SAMD12: variants seen among roughly 807,000 people sequenced by gnomAD.
The protein encoded by SAMD12 is sterile alpha motif domain-containing protein 12.
SAMD12 carries 9 observed loss-of-function variants against 15.0 expected under a neutral mutation model. That is an observed-to-expected ratio of 0.60 (90% CI 0.36 to 1.05). The LOEUF is 1.05. Ranked by LOEUF, SAMD12 falls within the 50% of genes least tolerant of loss-of-function variation. SAMD12 has a pLI of 0.01. For missense variants in SAMD12, 230 were observed against 234.2 expected, an observed-to-expected ratio of 0.98 and a Z score of 0.12; for synonymous variants, 86 against 90.1, an observed-to-expected ratio of 0.96 and a Z score of 0.25.
chr8:118,550,295 A>C (rs1288903449), intron 2 of SAMD12, among the ~76,000 whole-genome samples: 2 of 152,252 alleles, frequency 1.3e-5, no homozygotes, highest in African/African-American at 4.8e-5. Context: ...CGGGTTACCC[A>C]CAAAGGGAAG....
At chr8:118,264,722 C>G (rs1462446025) in intron 4 of SAMD12, among the ~76,000 whole-genome samples, 1 of 152,130 alleles carries the variant, frequency 6.6e-6, no homozygotes, top group African/African-American at 2.4e-5. Flanking sequence ...CACTCAGTGG[C>G]TCCTACCTGG....
At chr8:118,243,461 A>AT (rs78403611) in intron 4 of SAMD12, among the ~76,000 whole-genome samples, 26,526 of 151,654 alleles carry the variant, frequency 0.17, 2,980 homozygotes, top group African/African-American at 0.3. Context: ...GTACCACTCC[A>AT]TTTTTTTTAA....
intron 2 of SAMD12, among the ~76,000 whole-genome samples, chr8:118,493,715 A>G (rs1198458823): frequency 2.6e-5 from 4 of 152,156 alleles, no homozygotes; most frequent in Non-Finnish European, 4.4e-5. Context: ...CCACAAGTTG[A>G]AGGTCACATA....
Position 118,379,264 on chromosome 8 carries a change from T to G in SAMD12, c.*153A>C. 7.0e-7 allele frequency: 1 copy of G among 1,434,318 alleles called. No individual in the cohort carries two copies. Among genetic ancestry groups the G allele is most frequent in the Non-Finnish European group, 9.1e-7 (1 of 1,096,720 alleles). The allele number at this position is 1,434,318 out of a possible 1,614,324, so 88.8% of individuals were successfully genotyped here. Reference sequence around the variant, plus strand: ...GCAATCGTACCCTGATTGATGTGACTGGTATTCTCTGGGGTTGTGCAGTAC... The same window carrying G: ...GCAATCGTACCCTGATTGATGTGACGGGTATTCTCTGGGGTTGTGCAGTAC... On this transcript the variant is annotated 3_prime_UTR_variant, in exon 4 of 4. Transcript: ENST00000314727.
chr8:118,165,612 A>ACG, the SAMD12 span, among the ~76,000 whole-genome samples: 1 of 63,072 alleles, frequency 1.6e-5, no homozygotes, highest in Non-Finnish European at 3.0e-5. Context: ...ACATATATAT[A>ACG]TGTATATATA....
At chr8:118,536,483 C>T (rs13262193) in intron 2 of SAMD12, among the ~76,000 whole-genome samples, 52,283 of 150,344 alleles carry the variant, frequency 0.35, 9,766 homozygotes, top group Admixed American at 0.44. Flanking sequence ...CACACACACA[C>T]ATAAATGGAT....
intron 4 of SAMD12, among the ~76,000 whole-genome samples, chr8:118,256,578 AG>A (rs1214649220): frequency 6.6e-6 from 1 of 152,054 alleles, no homozygotes; most frequent in African/African-American, 2.4e-5. Flanking sequence ...GTCAAGTTTC[AG>A]TTCAAAGTGC....
intron 4 of SAMD12, among the ~76,000 whole-genome samples, chr8:118,215,433 T>C (rs1295237263): frequency 6.6e-6 from 1 of 151,386 alleles, no homozygotes; most frequent in African/African-American, 2.4e-5. Flanking sequence ...AATTTTATTA[T>C]ACATTGCAAG....
chr8:118,148,618 C>T, the SAMD12 span, among the ~76,000 whole-genome samples: 8 of 152,134 alleles, frequency 5.3e-5, no homozygotes, highest in Non-Finnish European at 2.9e-5. Context: ...ACCATTACCA[C>T]AATCCAGTTC....
intron 4 of SAMD12, chr8:118,282,272 G>C (rs1387591928): frequency 2.2e-6 from 1 of 456,154 alleles, no homozygotes; most frequent in East Asian, 7.0e-5. Flanking sequence ...CTTTTAACTT[G>C]GGTCATTTAA....
chr8:118,203,266 C>A (rs746540212), intron 4 of SAMD12, among the ~76,000 whole-genome samples: 1 of 152,200 alleles, frequency 6.6e-6, no homozygotes, highest in Non-Finnish European at 1.5e-5. Flanking sequence ...AAAGGCAGCA[C>A]ATTTTTATTT....
chr8:118,212,967 T>A (rs1402685997), intron 4 of SAMD12, among the ~76,000 whole-genome samples: 1 of 152,196 alleles, frequency 6.6e-6, no homozygotes, highest in East Asian at 1.9e-4. Flanking sequence ...TGTAGATACC[T>A]AACAAACCTC....
chr8:118,579,236 C>T (rs964548724), intron 2 of SAMD12, among the ~76,000 whole-genome samples: 2 of 152,044 alleles, frequency 1.3e-5, no homozygotes, highest in Non-Finnish European at 2.9e-5. Context: ...TTTTAGGCAT[C>T]CTTTGGAAAA....
At chr8:118,451,255 C>T (rs759870030) in intron 2 of SAMD12, among the ~76,000 whole-genome samples, 5 of 152,134 alleles carry the variant, frequency 3.3e-5, no homozygotes, top group African/African-American at 1.2e-4. Flanking sequence ...ATTAGAGATG[C>T]GAGCTATCTT....
At chr8:118,302,580 T>A (rs943397478) in intron 4 of SAMD12, among the ~76,000 whole-genome samples, 1 of 152,200 alleles carries the variant, frequency 6.6e-6, no homozygotes, top group Non-Finnish European at 1.5e-5. Flanking sequence ...ATCTCTTACT[T>A]TCCACTGTAA....
the SAMD12 span, among the ~76,000 whole-genome samples, chr8:118,171,472 T>A: frequency 6.6e-6 from 1 of 152,168 alleles, no homozygotes; most frequent in Non-Finnish European, 1.5e-5. Flanking sequence ...CAAAATGCAG[T>A]ATATCCATAC....
intron 2 of SAMD12, among the ~76,000 whole-genome samples, chr8:118,536,312 C>T (rs1435324614): frequency 6.6e-6 from 1 of 152,110 alleles, no homozygotes; most frequent in South Asian, 2.1e-4. Flanking sequence ...TTTCTCCCTA[C>T]CTGTAGATTT....
At chr8:118,539,456 T>G (rs1018714637) in intron 2 of SAMD12, among the ~76,000 whole-genome samples, 4 of 152,240 alleles carry the variant, frequency 2.6e-5, no homozygotes, top group Non-Finnish European at 5.9e-5. Flanking sequence ...CAGAAAATCC[T>G]GTCTTGGTAC....
chr8:118,581,565 T>C (rs1238423316), intron 1 of SAMD12, among the ~76,000 whole-genome samples: 1 of 152,134 alleles, frequency 6.6e-6, no homozygotes, highest in Non-Finnish European at 1.5e-5. Flanking sequence ...TGGCTTCCAG[T>C]TTTTTGCATC....
Sources: gnomAD v4.1 joint callset for allele counts (sites outside exome capture counted in the v4.1 genomes callset) on GRCh38, gnomAD v4.1.1 for gene constraint, MANE v1.5 for transcripts, NCBI Gene and HGNC (gene_info 2026-07-23, HGNC 2026-07-21) for gene names.